Variants in NPAS3 observed in about 807,000 individuals in gnomAD.
NPAS3 encodes neuronal PAS domain-containing protein 3.
A neutral mutation model predicts 73.1 loss-of-function variants in NPAS3; 14 were observed. The observed-to-expected ratio is 0.19, with a 90% confidence interval of 0.13 to 0.30. The LOEUF (loss-of-function observed/expected upper bound fraction) is 0.30. Among genes scored for constraint, NPAS3 ranks in the 10% least tolerant of loss-of-function variants. The probability of loss-of-function intolerance (pLI) is 1.00; values close to 1 mark genes in which losing one functional copy is unlikely to be tolerated. For synonymous variants in NPAS3, 620 were observed against 541.5 expected, an observed-to-expected ratio of 1.14 and a Z score of -2.01; for missense variants, 1,096 against 1,250.0, an observed-to-expected ratio of 0.88 and a Z score of 1.86.
chr14:33,614,184 G>A lies in NPAS3; in HGVS notation c.558+53974G>A, dbSNP rs181633906. 1.7e-3 allele frequency among the ~76,000 whole-genome samples: 254 copies of A among 152,296 alleles called. 2 individuals are homozygous for A. The highest frequency in any genetic ancestry group is 4.7e-3 in the African/African-American group (194 of 41,552). ...ATGTTACTGGGAGTTTCTTCAACCAGTGGAAGTTATTCTTGATTTGATTGA... is the reference window on the plus strand; with the variant it reads ...ATGTTACTGGGAGTTTCTTCAACCAATGGAAGTTATTCTTGATTTGATTGA... On this transcript the variant is annotated intron_variant, in intron 5 of 11. Transcript: ENST00000356141.
chr14:33,235,518 C>G (rs1212651329), intron 3 of NPAS3, among the ~76,000 whole-genome samples: 1 of 151,922 alleles, frequency 6.6e-6, no homozygotes, highest in African/African-American at 2.4e-5. Flanking sequence ...TCTCTGATGG[C>G]ATATATTTGA....
rs762154145 is a variant in NPAS3 at position 33,676,202 on chromosome 14, GC to G, written c.559-6del. ...GTCTTTCCTTCCCACCCTTTCTCTC[GC>G]CCTCTAGGTGGAGCTGACAGGCAGC... On this transcript the variant is annotated splice_polypyrimidine_tract_variant and splice_region_variant and intron_variant, in intron 5 of 11. Transcript: ENST00000356141. The G allele has an allele frequency of 8.7e-6, 14 of 1,612,794 alleles. No homozygotes were observed. The East Asian group carries it at 2.5e-4, about 28-fold the overall frequency.
At chr14:32,966,097 AT>A (rs772025272) in intron 1 of NPAS3, among the ~76,000 whole-genome samples, 3 of 152,188 alleles carry the variant, frequency 2.0e-5, no homozygotes, top group Non-Finnish European at 4.4e-5. Flanking sequence ...GATTGGAAGA[AT>A]TAATATTATT....
At chr14:33,070,666 G>A (rs1291159512) in intron 2 of NPAS3, among the ~76,000 whole-genome samples, 2 of 152,212 alleles carry the variant, frequency 1.3e-5, no homozygotes, top group African/African-American at 2.4e-5. Context: ...GTAGGGGTCA[G>A]AGCACCAAGC....
chr14:33,747,106 A>G (rs372534137), intron 7 of NPAS3, among the ~76,000 whole-genome samples: 1,960 of 152,096 alleles, frequency 0.013, 46 homozygotes, highest in African/African-American at 0.044. Flanking sequence ...CCAAATGACT[A>G]TAAATCATGC....
chr14:33,426,720 C>T lies in NPAS3; in HGVS notation c.468+59452C>T, dbSNP rs78067974. 5.5e-3 allele frequency among the ~76,000 whole-genome samples: 833 copies of T among 152,122 alleles called. 5 individuals are homozygous for T. The highest frequency in any genetic ancestry group is 0.019 in the African/African-American group (801 of 41,498). Reference sequence around the variant, plus strand: ...GAGCCCAAAGTCACGTTTCTGTCTTCCTCTTTATACATTTAGTAAGAACCA... The same window carrying T: ...GAGCCCAAAGTCACGTTTCTGTCTTTCTCTTTATACATTTAGTAAGAACCA... On this transcript the variant is annotated intron_variant, in intron 4 of 11. Transcript: ENST00000356141.
intron 2 of NPAS3, among the ~76,000 whole-genome samples, chr14:33,060,726 C>T (rs1281567662): frequency 6.6e-6 from 1 of 152,194 alleles, no homozygotes; most frequent in Non-Finnish European, 1.5e-5. Flanking sequence ...GCCCTCATTG[C>T]AGATCAGGTG....
intron 4 of NPAS3, among the ~76,000 whole-genome samples, chr14:33,399,649 A>G (rs1219458751): frequency 7.3e-6 from 1 of 137,512 alleles, no homozygotes. Context: ...TTAGTTGTAG[A>G]TGAAGCTGGG....
At chr14:33,551,302 T>C (rs2055101946) in intron 4 of NPAS3, among the ~76,000 whole-genome samples, 1 of 152,214 alleles carries the variant, frequency 6.6e-6, no homozygotes, top group Admixed American at 6.5e-5. Context: ...TCTTTAATCA[T>C]CGTTACTACT....
At chr14:33,405,335 G>T (rs910098313) in intron 4 of NPAS3, among the ~76,000 whole-genome samples, 4 of 152,046 alleles carry the variant, frequency 2.6e-5, no homozygotes, top group African/African-American at 9.7e-5. Flanking sequence ...AATCTTCCAT[G>T]GTGCAAAGCA....
intron 3 of NPAS3, among the ~76,000 whole-genome samples, chr14:33,246,839 C>CAAAAAAAAAAAAAA (rs571439161): frequency 3.2e-5 from 2 of 61,964 alleles, no homozygotes; most frequent in Admixed American, 2.0e-4. Flanking sequence ...ATTAAAAATA[C>CAAAAAAAAAAAAAA]AAAAAAAAAA....
intron 4 of NPAS3, among the ~76,000 whole-genome samples, chr14:33,468,287 G>T (rs890212278): frequency 1.3e-5 from 2 of 152,142 alleles, no homozygotes; most frequent in African/African-American, 4.8e-5. Context: ...CAGAAAAGCT[G>T]AATTAATAAA....
chr14:33,332,883 C>T (rs114732172), intron 3 of NPAS3, among the ~76,000 whole-genome samples: 2,026 of 152,290 alleles, frequency 0.013, 42 homozygotes, highest in African/African-American at 0.046. Flanking sequence ...CAAGGTTATG[C>T]CAATATATTT....
chr14:33,273,655 G>A (rs2140024559), intron 3 of NPAS3, among the ~76,000 whole-genome samples: 1 of 152,276 alleles, frequency 6.6e-6, no homozygotes, highest in East Asian at 1.9e-4. Context: ...ATATCCCACT[G>A]CTATAGTGCT....
intron 5 of NPAS3, among the ~76,000 whole-genome samples, chr14:33,643,717 C>T (rs1306826341): frequency 2.6e-5 from 4 of 151,998 alleles, no homozygotes; most frequent in Admixed American, 2.0e-4. Flanking sequence ...TTTGTGAGCT[C>T]GATAAAAATC....
intron 4 of NPAS3, among the ~76,000 whole-genome samples, chr14:33,453,592 A>G (rs1022523961): frequency 5.3e-5 from 8 of 152,292 alleles, no homozygotes; most frequent in Admixed American, 5.2e-4. Flanking sequence ...TGGATTTGTT[A>G]TCCACAAATT....
At chr14:33,613,141 CAGAG>C (rs1281939766) in intron 5 of NPAS3, among the ~76,000 whole-genome samples, 5 of 152,122 alleles carry the variant, frequency 3.3e-5, no homozygotes, top group African/African-American at 4.8e-5. Flanking sequence ...ATATAAAAGA[CAGAG>C]AGATTGAGTA....
intron 2 of NPAS3, among the ~76,000 whole-genome samples, chr14:33,207,200 A>T (rs1298313889): frequency 6.6e-6 from 1 of 151,396 alleles, no homozygotes; most frequent in East Asian, 1.9e-4. Context: ...TAAGATCTGG[A>T]TGCTTTCCAG....
intron 4 of NPAS3, among the ~76,000 whole-genome samples, chr14:33,449,231 C>T (rs1263062866): frequency 6.6e-6 from 1 of 152,172 alleles, no homozygotes; most frequent in Non-Finnish European, 1.5e-5. Flanking sequence ...CATGTCTTCC[C>T]CAACTCCATC....
Sources: gnomAD v4.1 joint callset for allele counts (sites outside exome capture counted in the v4.1 genomes callset) on GRCh38, gnomAD v4.1.1 for gene constraint, MANE v1.5 for transcripts, NCBI Gene and HGNC (gene_info 2026-07-23, HGNC 2026-07-21) for gene names.